The following KCNQ5 variants were observed in gnomAD, a reference collection of about 807,000 sequenced individuals.
KCNQ5 encodes potassium voltage-gated channel subfamily Q member 5.
In KCNQ5, 30 loss-of-function variants were observed where a neutral mutation model predicts 98.2. That is an observed-to-expected ratio of 0.31 (90% confidence interval 0.23 to 0.41). The LOEUF is 0.41. Among genes scored for constraint, KCNQ5 ranks in the 10% least tolerant of loss-of-function variants. The probability of loss-of-function intolerance (pLI) is 1.00; values close to 1 mark genes in which losing one functional copy is unlikely to be tolerated. For synonymous variants in KCNQ5, 458 were observed against 449.4 expected, an observed-to-expected ratio of 1.02 and a Z score of -0.24; for missense variants, 835 against 1,182.5, an observed-to-expected ratio of 0.71 and a Z score of 4.31.
intron 1 of KCNQ5, among the ~76,000 whole-genome samples, chr6:72,876,676 A>C (rs1477209324): frequency 1.3e-5 from 2 of 152,260 alleles, no homozygotes; most frequent in Non-Finnish European, 2.9e-5. Context: ...CTTGGATTTC[A>C]TACAAAAGTA....
rs1769805023 is a variant in KCNQ5, at chr6:73,006,176, G to A, written c.489+2178G>A. Among the ~76,000 whole-genome samples, 3 of 152,036 alleles carry A rather than the reference G, an allele frequency of 2.0e-5. No individual in the cohort carries two copies. In the South Asian group the frequency reaches 6.2e-4, roughly 32 times the overall value. ...GACAAATCTTAATGATTTAAGTAAT[G>A]TCTCATTTATTACCTTTTAACATGT... On this transcript the variant is annotated intron_variant, in intron 2 of 13. Coordinates refer to ENST00000370398, the MANE Select transcript of KCNQ5 (RefSeq NM_019842.4).
At chr6:72,945,451 T>C (rs976857088) in intron 1 of KCNQ5, among the ~76,000 whole-genome samples, 1 of 122,454 alleles carries the variant, frequency 8.2e-6, no homozygotes, top group African/African-American at 3.4e-5. Context: ...CCCCTTCCTG[T>C]GTCCATGTTT....
chr6:72,871,895 A>C (rs1049020760), intron 1 of KCNQ5, among the ~76,000 whole-genome samples: 3 of 152,220 alleles, frequency 2.0e-5, no homozygotes, highest in Non-Finnish European at 4.4e-5. Context: ...CAGATCGTTG[A>C]AAAGATAAAT....
In KCNQ5 at chr6:73,084,924, A is replaced by C. The variant is rs77076918; in HGVS notation, c.918+7037A>C. Among the ~76,000 whole-genome samples, 17 of 152,338 alleles carry C rather than the reference A, an allele frequency of 1.1e-4. No individual in the cohort carries two copies. The East Asian group carries it at 2.3e-3, about 21-fold the overall frequency. ...GCACAAGCATGGGAGAATAAGAACC[A>C]AGAGGGCTCCTGCTACTCAGTTCAT... On this transcript the variant is annotated intron_variant, in intron 5 of 13. Coordinates refer to ENST00000370398, the MANE Select transcript of KCNQ5 (RefSeq NM_019842.4).
intron 1 of KCNQ5, among the ~76,000 whole-genome samples, chr6:72,737,045 C>G (rs1038378787): frequency 1.3e-5 from 2 of 152,054 alleles, no homozygotes; most frequent in Non-Finnish European, 2.9e-5. Context: ...ACTGCAACCT[C>G]CTCCTCCCGG....
intron 5 of KCNQ5, among the ~76,000 whole-genome samples, chr6:73,078,229 A>C (rs994771628): frequency 7.9e-5 from 12 of 151,892 alleles, no homozygotes; most frequent in African/African-American, 2.9e-4. Context: ...TTAAATGATC[A>C]ATTGTTGCAT....
intron 1 of KCNQ5, among the ~76,000 whole-genome samples, chr6:73,002,049 A>T (rs1769600937): frequency 6.6e-6 from 1 of 152,122 alleles, no homozygotes; most frequent in South Asian, 2.1e-4. Flanking sequence ...CTTGAACCCT[A>T]GGAGTTCAAG....
chr6:73,157,835 A>G, intron 10 of KCNQ5: 2 of 779,384 alleles, frequency 2.6e-6, no homozygotes, highest in African/African-American at 3.4e-5. Context: ...GCTTTGGCAA[A>G]CTCTAGCCTC....
chr6:73,077,779 G>A lies in KCNQ5; in HGVS notation c.810G>A (p.Trp270Ter). 6.2e-7 allele frequency: 1 copy of A among 1,611,012 alleles called. No homozygotes were observed. The highest frequency in any genetic ancestry group is 8.5e-7 in the Non-Finnish European group (1 of 1,177,790). The change falls in exon 5 of 14, where the codon TGG becomes TGA. Residue 270 changes from tryptophan (W) to a stop codon, truncating the protein, a stop_gained. Transcript: ENST00000370398. LOFTEE classifies it high-confidence loss of function. ...YAHSKELITA[W>*]YIGFLVLIFS... ...ATATCTAGGAATTAATCACAGCTTG[G>A]TACATAGGATTTTTGGTTCTTATTT...
chr6:72,964,006 G>A (rs1259784765), intron 1 of KCNQ5, among the ~76,000 whole-genome samples: 1 of 152,140 alleles, frequency 6.6e-6, no homozygotes, highest in Non-Finnish European at 1.5e-5. Flanking sequence ...TGTGAAGTCA[G>A]TCATGATGAG....
chr6:73,070,805 AC>A (rs1399591847), intron 3 of KCNQ5, among the ~76,000 whole-genome samples: 1 of 152,116 alleles, frequency 6.6e-6, no homozygotes. Context: ...GGGAAATGAG[AC>A]CTCTAGATGG....
intron 1 of KCNQ5, among the ~76,000 whole-genome samples, chr6:72,979,304 A>T (rs894030912): frequency 6.6e-6 from 1 of 152,126 alleles, no homozygotes; most frequent in South Asian, 2.1e-4. Context: ...GTGTAAAAGT[A>T]TTCCTATTTC....
intron 1 of KCNQ5, chr6:72,806,786 G>T: frequency 2.2e-6 from 1 of 448,764 alleles, no homozygotes; most frequent in Admixed American, 2.4e-5. Flanking sequence ...ACCCGTTTTT[G>T]CTCCTTGCAT....
chr6:72,849,914 C>A (rs1340292483), intron 1 of KCNQ5, among the ~76,000 whole-genome samples: 1 of 152,136 alleles, frequency 6.6e-6, no homozygotes, highest in Non-Finnish European at 1.5e-5. Context: ...ATTTATAATA[C>A]ACACCCCAAA....
intron 1 of KCNQ5, among the ~76,000 whole-genome samples, chr6:72,828,311 C>T (rs1371661156): frequency 6.6e-6 from 1 of 152,094 alleles, no homozygotes; most frequent in Non-Finnish European, 1.5e-5. Context: ...CTGTAGATTG[C>T]ATTGGGTAGA....
chr6:73,065,298 C>G (rs1009821705), intron 3 of KCNQ5, among the ~76,000 whole-genome samples: 1 of 152,186 alleles, frequency 6.6e-6, no homozygotes, highest in East Asian at 1.9e-4. Context: ...TAGACTCCCT[C>G]GTTTGTCTCA....
intron 1 of KCNQ5, among the ~76,000 whole-genome samples, chr6:72,978,207 C>T (rs1034394772): frequency 9.9e-5 from 15 of 151,004 alleles, no homozygotes; most frequent in Admixed American, 3.3e-4. Flanking sequence ...TTTTTGTTTC[C>T]AGTTTTGAAT....
intron 1 of KCNQ5, among the ~76,000 whole-genome samples, chr6:72,811,800 A>T (rs1018021318): frequency 2.6e-5 from 4 of 152,222 alleles, no homozygotes; most frequent in Non-Finnish European, 5.9e-5. Context: ...ATTTGGGATG[A>T]GTCCATAGAG....
intron 1 of KCNQ5, among the ~76,000 whole-genome samples, chr6:72,931,340 T>C (rs1010397507): frequency 3.9e-5 from 6 of 152,228 alleles, no homozygotes; most frequent in South Asian, 2.1e-4. Context: ...TGAAAACTTA[T>C]ATTTTTCTTG....
Sources: allele counts gnomAD v4.1 joint callset (sites outside exome capture counted in the v4.1 genomes callset), GRCh38; gene constraint gnomAD v4.1.1; transcripts MANE v1.5; gene names NCBI Gene and HGNC (gene_info 2026-07-23, HGNC 2026-07-21).